UBXN11: variants seen among roughly 807,000 people sequenced by gnomAD.
The protein encoded by UBXN11 is UBX domain-containing protein 11.
A neutral mutation model predicts 62.8 loss-of-function variants in UBXN11; 47 were observed. The ratio of observed to expected loss-of-function variants is 0.75; its 90% CI spans 0.59 to 0.95. The LOEUF is 0.95. Ranked by LOEUF, UBXN11 falls within the 40% of genes least tolerant of loss-of-function variation. The pLI is 0.00. For synonymous variants in UBXN11, 294 were observed against 267.0 expected, an observed-to-expected ratio of 1.10 and a Z score of -0.99; for missense variants, 638 against 661.7, an observed-to-expected ratio of 0.96 and a Z score of 0.39.
At chr1:26,309,783 A>T (rs1330303962), upstream of UBXN11, among the ~76,000 whole-genome samples, 2 of 152,154 alleles carry the variant, frequency 1.3e-5, no homozygotes, top group African/African-American at 4.8e-5. Context: ...TAAAGTAGAG[A>T]TACTAATAGA....
intron 8 of UBXN11, among the ~76,000 whole-genome samples, chr1:26,293,979 G>A (rs2073334619): frequency 6.6e-6 from 1 of 152,140 alleles, no homozygotes; most frequent in Non-Finnish European, 1.5e-5. Context: ...ATGAGCAAGA[G>A]AGAGCAGAGG....
rs1420060855 is a variant in UBXN11 at position 26,285,714 on chromosome 1, G to T, written c.774+109C>A. ...CTCTGCAAGTCGTGTGTGGGCCTGG[G>T]TGCCCCGTGGAGGGCAGGCTGGGCC... On this transcript the variant is annotated intron_variant, in intron 9 of 14. Coordinates refer to ENST00000374222, the MANE Select transcript of UBXN11 (RefSeq NM_001389556.1). 8 of 1,430,282 alleles carry T rather than the reference G, an allele frequency of 5.6e-6. No individual in the cohort carries two copies. The African/African-American group carries it at 1.1e-4, about 20-fold the overall frequency. The allele number at this position is 1,430,282 out of a possible 1,614,324, so 88.6% of individuals were successfully genotyped here.
intron 1 of UBXN11, among the ~76,000 whole-genome samples, chr1:26,312,951 A>G (rs1048951971): frequency 1.6e-5 from 2 of 123,146 alleles, no homozygotes; most frequent in African/African-American, 6.1e-5. Context: ...TGCACTCCAG[A>G]CTGGGCAACA....
At chr1:26,306,833 G>GGGGT (rs2073680909), upstream of UBXN11, 3 of 32,068 alleles carry the variant, frequency 9.4e-5, no homozygotes, top group Non-Finnish European at 2.5e-4. Flanking sequence ...GCGGGGTGGG[G>GGGGT]GGGGGGGGTG....
intron 8 of UBXN11, among the ~76,000 whole-genome samples, chr1:26,288,553 A>C (rs1449485921): frequency 6.6e-6 from 1 of 152,164 alleles, no homozygotes; most frequent in African/African-American, 2.4e-5. Context: ...CCAGGGTTCA[A>C]CTGAGGCCTG....
rs550586249 is a variant in UBXN11, at chr1:26,314,410, A to C, written c.-149+3637T>G. On this transcript the variant is annotated intron_variant, in intron 1 of 14. Coordinates refer to the UBXN11 transcript ENST00000374217. ...ACATTTGTAAGTATGTGAAGATGAGAAAGCTCAGCTCAGTTTCTCAGCTGT... is the reference window on the plus strand; with the variant it reads ...ACATTTGTAAGTATGTGAAGATGAGCAAGCTCAGCTCAGTTTCTCAGCTGT... Among the ~76,000 whole-genome samples, 4 of 152,330 alleles carry C rather than the reference A, an allele frequency of 2.6e-5. No homozygotes were observed. The East Asian group carries it at 7.7e-4, about 29-fold the overall frequency.
At chr1:26,292,802 C>T (rs1448091831) in intron 8 of UBXN11, among the ~76,000 whole-genome samples, 2 of 151,418 alleles carry the variant, frequency 1.3e-5, no homozygotes, top group Non-Finnish European at 2.9e-5. Flanking sequence ...TGCAGTGAGC[C>T]GAGATTGTGC....
chr1:26,305,968 C>A (rs1359092497), intron 1 of UBXN11, among the ~76,000 whole-genome samples: 1 of 152,230 alleles, frequency 6.6e-6, no homozygotes, highest in Non-Finnish European at 1.5e-5. Context: ...TCACTCCAGT[C>A]CAGTCCGACA....
At chr1:26,289,066 T>G (rs540021194) in intron 8 of UBXN11, among the ~76,000 whole-genome samples, 153 of 152,166 alleles carry the variant, frequency 1.0e-3, no homozygotes, top group African/African-American at 3.6e-3. Context: ...AAGTCCAAGC[T>G]CTTTGTCCCA....
chr1:26,284,608 A>T, intron 10 of UBXN11, 126 bp from the exon 11 acceptor site: 2 of 1,407,236 alleles, frequency 1.4e-6, no homozygotes, highest in Non-Finnish European at 1.9e-6. Context: ...TTTACATATG[A>T]GGAAACCCAG....
At position 26,282,308 on chromosome 1, in the gene UBXN11, G is replaced by A. The variant is rs1268192870; in HGVS notation, c.1554C>T (p.Ser518=). ...TGAGGGGGCGGGTGCTTTATTGGGGGCTGGGACTGGGTCCAGGACAGGGAC... is the reference window on the plus strand; with the variant it reads ...TGAGGGGGCGGGTGCTTTATTGGGGACTGGGACTGGGTCCAGGACAGGGAC... ...GPSPCPGPSP[S]PQ is the part of the protein sequence containing the mutation. The change falls in exon 15 of 15, where the codon AGC becomes AGT. Residue 518 remains serine, a synonymous_variant. Coordinates refer to ENST00000374222, the MANE Select transcript of UBXN11 (RefSeq NM_001389556.1). 6.8e-7 allele frequency: 1 copy of A among 1,465,422 alleles called. No individual in the cohort carries two copies. 90.8% of individuals were successfully genotyped at this position (1,465,422 alleles called of 1,614,324 possible).
chr1:26,284,680 C>CGTG, intron 10 of UBXN11, 198 bp from the exon 11 acceptor site: 2 of 1,350,240 alleles, frequency 1.5e-6, no homozygotes, highest in Middle Eastern at 5.6e-4. Flanking sequence ...CTCCTGTAAG[C>CGTG]ACCCCATCCA....
At chr1:26,283,080 C>T (rs1299453976) in intron 12 of UBXN11, 143 bp from the exon 13 acceptor site, 1 of 1,061,304 alleles carries the variant, frequency 9.4e-7, no homozygotes, top group Non-Finnish European at 1.4e-6. Context: ...AAACCAAGGC[C>T]AGAGGAGAGG....
upstream of UBXN11, among the ~76,000 whole-genome samples, chr1:26,307,413 T>A (rs75672621): frequency 2.3e-3 from 351 of 152,246 alleles, 2 homozygotes; most frequent in African/African-American, 7.3e-3. Flanking sequence ...TAATGCAAAG[T>A]ACACGATTTT....
At chr1:26,303,811 C>T (rs749395380) in intron 1 of UBXN11, among the ~76,000 whole-genome samples, 11 of 152,078 alleles carry the variant, frequency 7.2e-5, no homozygotes, top group African/African-American at 1.4e-4. Flanking sequence ...TCTAGCCCAG[C>T]GCCAAGCTCA....
upstream of UBXN11, among the ~76,000 whole-genome samples, chr1:26,311,422 G>A (rs989273409): frequency 2.6e-5 from 4 of 151,594 alleles, no homozygotes; most frequent in Non-Finnish European, 5.9e-5. Context: ...TTACAGGCAT[G>A]AGCCACCATG....
rs753539936 is a variant in UBXN11, at chr1:26,282,340, CGGGACCGGGACCGGGACT to C, written c.1504_1521del (p.Ser502_Pro507del). On this transcript the variant is annotated inframe_deletion, in exon 15 of 15. Coordinates refer to ENST00000374222, the MANE Select transcript of UBXN11 (RefSeq NM_001389556.1). ...CTGGGTCCAGGACAGGGACTGGGGC[CGGGACCGGGACCGGGACT>C]GGGGCCGGGACCGGGACCGGGACTG... 1.5e-4 allele frequency: 45 copies of C among 304,756 alleles called. No individual in the cohort carries two copies. Among genetic ancestry groups the C allele is most frequent in the Non-Finnish European group, 1.9e-4 (40 of 209,090 alleles). The allele number at this position is 304,756 out of a possible 1,614,324, so 18.9% of individuals were successfully genotyped here.
intron 1 of UBXN11, among the ~76,000 whole-genome samples, chr1:26,315,751 C>T (rs996527835): frequency 2.0e-5 from 3 of 152,192 alleles, no homozygotes; most frequent in Non-Finnish European, 4.4e-5. Context: ...CCTCCTTCTC[C>T]CGGGTTCAAG....
chr1:26,293,724 CAAAAAAAAAAA>C (rs1163207554), intron 8 of UBXN11, among the ~76,000 whole-genome samples: 22 of 26,944 alleles, frequency 8.2e-4, no homozygotes, highest in African/African-American at 1.9e-3. Flanking sequence ...GACTCCGTCT[CAAAAAAAAAAA>C]AAAAAAAAAA....
Sources: gnomAD v4.1 joint callset for allele counts (sites outside exome capture counted in the v4.1 genomes callset) on GRCh38, gnomAD v4.1.1 for gene constraint, MANE v1.5 for transcripts, NCBI Gene and HGNC (gene_info 2026-07-23, HGNC 2026-07-21) for gene names.